Variants in ALDH1L1 observed in about 807,000 individuals in gnomAD.
The protein encoded by ALDH1L1 is cytosolic 10-formyltetrahydrofolate dehydrogenase.
In ALDH1L1, 68 loss-of-function variants were observed where a neutral mutation model predicts 101.1. The observed-to-expected ratio is 0.67, with a 90% CI of 0.55 to 0.82. The LOEUF is 0.82. Among genes scored for constraint, ALDH1L1 ranks in the 40% least tolerant of loss-of-function variants. ALDH1L1 has a pLI of 0.00. For synonymous variants in ALDH1L1, 486 were observed against 470.8 expected, an observed-to-expected ratio of 1.03 and a Z score of -0.42; for missense variants, 1,087 against 1,172.7, an observed-to-expected ratio of 0.93 and a Z score of 1.07.
intron 18 of ALDH1L1, 25 bp downstream of exon 18, chr3:126,114,532 T>C: frequency 6.7e-7 from 1 of 1,481,898 alleles, no homozygotes; most frequent in Non-Finnish European, 9.0e-7. Flanking sequence ...TCACTGTCCC[T>C]GCCCCCTCCA....
intron 17 of ALDH1L1, among the ~76,000 whole-genome samples, chr3:126,115,880 T>G (rs1205219863): frequency 6.6e-6 from 1 of 151,982 alleles, no homozygotes; most frequent in East Asian, 1.9e-4. Context: ...CAGCCTTTTT[T>G]TTTTTCCTTT....
At chr3:126,161,085 G>A in intron 1 of ALDH1L1, 83 bp from the exon 2 acceptor site, 1 of 1,499,130 alleles carries the variant, frequency 6.7e-7, no homozygotes, top group East Asian at 2.4e-5. Context: ...GGCAGTTCAT[G>A]GCACCTGGCC....
chr3:126,153,172 C>T lies in ALDH1L1; in HGVS notation c.858+272G>A, dbSNP rs1003787120. The T allele has an allele frequency of 8.0e-6, 4 of 498,998 alleles. No homozygotes were observed. In the Admixed American group the frequency reaches 9.7e-5, roughly 12 times the overall value. 30.9% of individuals were successfully genotyped at this position (498,998 alleles called of 1,614,324 possible). On this transcript the variant is annotated intron_variant, in intron 7 of 22. Coordinates refer to ENST00000393434, the MANE Select transcript of ALDH1L1 (RefSeq NM_012190.4). ...CTCTGATTCTAGGTTGCCTGACACC[C>T]ACACAGGGCACTCAGCCTGGAGATG...
intron 16 of ALDH1L1, among the ~76,000 whole-genome samples, chr3:126,123,160 T>C (rs1445240426): frequency 6.6e-6 from 1 of 152,156 alleles, no homozygotes; most frequent in Non-Finnish European, 1.5e-5. Context: ...TAAGACAGAA[T>C]TGACTTTAAC....
In ALDH1L1 at chr3:126,103,857, C is replaced by T; in HGVS notation, c.2654-11G>A. The T allele has an allele frequency of 1.2e-6, 2 of 1,612,738 alleles. No individual in the cohort carries two copies. The highest frequency in any genetic ancestry group is 1.1e-5 in the South Asian group (1 of 90,706). On this transcript the variant is annotated splice_polypyrimidine_tract_variant and intron_variant, in intron 22 of 22. Coordinates refer to ENST00000393434, the MANE Select transcript of ALDH1L1 (RefSeq NM_012190.4). The stretch of plus-strand genomic sequence containing the variant: ...TCAGAGCCGCCTCTCCTGTAAGACA[C>T]CACAAAGGTCACAGCAGCTCCCACC...
chr3:126,158,293 A>G, intron 3 of ALDH1L1, 112 bp downstream of exon 3: 2 of 1,063,250 alleles, frequency 1.9e-6, no homozygotes, highest in Non-Finnish European at 2.7e-6. Flanking sequence ...AGGCACCTGC[A>G]CGATGCCCAC....
intron 1 of ALDH1L1, among the ~76,000 whole-genome samples, chr3:126,192,697 G>A (rs552286557): frequency 2.6e-5 from 4 of 152,316 alleles, no homozygotes; most frequent in African/African-American, 7.2e-5. Context: ...GACAGTTTCC[G>A]ACATGGGTAC....
chr3:126,130,553 G>C (rs543360307), intron 13 of ALDH1L1, among the ~76,000 whole-genome samples: 1 of 152,358 alleles, frequency 6.6e-6, no homozygotes, highest in Admixed American at 6.5e-5. Context: ...AGCAAGAAAG[G>C]GTGAGGGTGG....
chr3:126,172,665 A>C (rs984203429), intron 1 of ALDH1L1, among the ~76,000 whole-genome samples: 8 of 151,956 alleles, frequency 5.3e-5, no homozygotes, highest in Admixed American at 2.6e-4. Flanking sequence ...AAAATGTTTG[A>C]AGTGATAATG....
Position 126,135,098 on chromosome 3 carries a change from T to C in ALDH1L1, c.1472+437A>G, listed in dbSNP as rs145676249. 1,272 of 152,894 alleles carry C rather than the reference T, an allele frequency of 8.3e-3. 19 individuals are homozygous for C. The highest frequency in any genetic ancestry group is 0.029 in the African/African-American group (1,211 of 41,410). The allele number at this position is 152,894 out of a possible 1,614,324, so 9.5% of individuals were successfully genotyped here. On this transcript the variant is annotated intron_variant, in intron 12 of 22. Coordinates refer to ENST00000393434, the MANE Select transcript of ALDH1L1 (RefSeq NM_012190.4). ...AATAGAAAATGTGAAACCTATAGAT[T>C]CCAGTAGTCAGAGCCTGGCTGAGCA...
rs551201649 is a variant in ALDH1L1, at chr3:126,158,912, T to C, written c.128-273A>G. ...CCCAGATGGCTGACCTCTGCCCTCATTCCTCTCCTGAGGCCTTGCCATCCC... is the reference window on the plus strand; with the variant it reads ...CCCAGATGGCTGACCTCTGCCCTCACTCCTCTCCTGAGGCCTTGCCATCCC... On this transcript the variant is annotated intron_variant, in intron 2 of 22. Transcript: ENST00000393434. Among the ~76,000 whole-genome samples, 48 of 152,230 alleles carry C rather than the reference T, an allele frequency of 3.2e-4. No individual in the cohort carries two copies. In the South Asian group the frequency reaches 8.3e-3, roughly 26 times the overall value.
At chr3:126,171,185 C>T (rs1559973893) in intron 1 of ALDH1L1, among the ~76,000 whole-genome samples, 1 of 152,188 alleles carries the variant, frequency 6.6e-6, no homozygotes, top group Non-Finnish European at 1.5e-5. Flanking sequence ...GTAGTCCCAT[C>T]TACTCAGGAG....
intron 8 of ALDH1L1, among the ~76,000 whole-genome samples, chr3:126,149,529 C>T (rs896555262): frequency 1.3e-5 from 2 of 152,236 alleles, no homozygotes; most frequent in African/African-American, 4.8e-5. Context: ...CCAGGGATAT[C>T]TTTGGAATAA....
upstream of ALDH1L1, chr3:126,180,773 T>C (rs1295648250): frequency 6.8e-7 from 1 of 1,460,696 alleles, no homozygotes; most frequent in East Asian, 2.5e-5. Context: ...GCCTGCGCTC[T>C]TTCCCGCTTA....
chr3:126,113,710 G>A (rs181160932), intron 18 of ALDH1L1, among the ~76,000 whole-genome samples: 1 of 152,180 alleles, frequency 6.6e-6, no homozygotes, highest in Non-Finnish European at 1.5e-5. Context: ...CACCCTCCAC[G>A]GCACAGTGGA....
chr3:126,136,793 A>G lies in ALDH1L1; in HGVS notation c.1315T>C (p.Ser439Pro). 3.1e-6 allele frequency: 5 copies of G among 1,587,712 alleles called. No homozygotes were observed. The highest frequency in any genetic ancestry group is 4.3e-6 in the Non-Finnish European group (5 of 1,166,376). The change falls in exon 11 of 23, where the codon TCT becomes CCT. Residue 439 changes from serine to proline, a missense_variant. Around this residue, in one of 2 missense-constraint regions of ALDH1L1, gnomAD observed 645 missense variants for 637.0 expected, o/e 1.01. Coordinates refer to ENST00000393434, the MANE Select transcript of ALDH1L1 (RefSeq NM_012190.4). ...CCATCGGTGGGATTGATGGTCTCAGAGGTCTTGGCGCCCTCGGCATCCACG... is the reference window on the plus strand; with the variant it reads ...CCATCGGTGGGATTGATGGTCTCAGGGGTCTTGGCGCCCTCGGCATCCACG... ...EFVDAEGAKT[S>P]ETINPTDGSV...
In ALDH1L1 at chr3:126,106,640, C is replaced by T. The variant is rs772913431; in HGVS notation, c.2453+501G>A. Among the ~76,000 whole-genome samples the T allele has an allele frequency of 4.6e-5, 7 of 152,302 alleles. No individual in the cohort carries two copies. The South Asian group carries it at 6.2e-4, about 14-fold the overall frequency. ...GGCCTCCGAAGGGAACCAGGTGCCT[C>T]GGCAACCCCGAGGCTGCCACGCGGA... On this transcript the variant is annotated intron_variant, in intron 21 of 22. Coordinates refer to ENST00000393434, the MANE Select transcript of ALDH1L1 (RefSeq NM_012190.4).
intron 6 of ALDH1L1, among the ~76,000 whole-genome samples, chr3:126,154,223 G>A (rs1348693352): frequency 6.6e-6 from 1 of 152,234 alleles, no homozygotes; most frequent in Non-Finnish European, 1.5e-5. Flanking sequence ...CCCTGCCTGA[G>A]GCCAAGTCAG....
At chr3:126,141,485 A>G (rs1213899787) in intron 9 of ALDH1L1, among the ~76,000 whole-genome samples, 2 of 152,142 alleles carry the variant, frequency 1.3e-5, no homozygotes, top group South Asian at 2.1e-4. Context: ...ATGTAAAAAT[A>G]TTGAACTCTT....
Sources: gnomAD v4.1 joint callset for allele counts (sites outside exome capture counted in the v4.1 genomes callset) on GRCh38, gnomAD v4.1.1 for gene constraint, gnomAD v4.1.1 regional missense constraint, MANE v1.5 for transcripts, NCBI Gene and HGNC (gene_info 2026-07-23, HGNC 2026-07-21) for gene names.